DAB1: variants seen among roughly 807,000 people sequenced by gnomAD.
DAB1 encodes DAB adaptor protein 1.
DAB1 carries 15 observed loss-of-function variants against 64.6 expected under a neutral mutation model. The ratio of observed to expected loss-of-function variants is 0.23; its 90% CI spans 0.16 to 0.36. DAB1 has a LOEUF of 0.36. DAB1 is among the 10% of genes least tolerant of loss of function. The pLI is 1.00. For missense variants in DAB1, 596 were observed against 706.7 expected (o/e 0.84, Z 1.78); for synonymous variants, 235 against 251.9 (o/e 0.93, Z 0.64).
chr1:57,300,772 C>T (rs1673579995), intron 1 of DAB1, among the ~76,000 whole-genome samples: 1 of 152,078 alleles, frequency 6.6e-6, no homozygotes, highest in South Asian at 2.1e-4. Flanking sequence ...TTATTTTTAG[C>T]TACAAAAATA....
intron 1 of DAB1, among the ~76,000 whole-genome samples, chr1:57,420,135 G>A (rs1282926435): frequency 6.6e-6 from 1 of 152,164 alleles, no homozygotes; most frequent in African/African-American, 2.4e-5. Context: ...TTGATGATAA[G>A]GTAACACCCA....
intron 1 of DAB1, among the ~76,000 whole-genome samples, chr1:57,851,870 C>T (rs1423701068): frequency 6.6e-6 from 1 of 152,104 alleles, no homozygotes; most frequent in Non-Finnish European, 1.5e-5. Flanking sequence ...TGCATTTTGC[C>T]CTGTCATTCA....
intron 2 of DAB1, among the ~76,000 whole-genome samples, chr1:57,256,348 G>T (rs1374252374): frequency 6.6e-6 from 1 of 152,160 alleles, no homozygotes; most frequent in Non-Finnish European, 1.5e-5. Context: ...AGAGTAAGGG[G>T]TCTCTGAGGT....
intron 2 of DAB1, among the ~76,000 whole-genome samples, chr1:57,174,288 A>G (rs1385113086): frequency 6.6e-6 from 1 of 152,186 alleles, no homozygotes; most frequent in African/African-American, 2.4e-5. Context: ...TACCAGATAC[A>G]GACCTGGCCC....
intron 5 of DAB1, among the ~76,000 whole-genome samples, chr1:58,116,536 A>C (rs151314062): frequency 6.6e-6 from 1 of 152,132 alleles, no homozygotes; most frequent in Admixed American, 6.6e-5. Flanking sequence ...GATCTTCTTC[A>C]ATGTTTGCCA....
intron 5 of DAB1, among the ~76,000 whole-genome samples, chr1:58,138,157 C>A (rs369486717): frequency 6.6e-6 from 1 of 152,120 alleles, no homozygotes; most frequent in African/African-American, 2.4e-5. Flanking sequence ...TCATTTAATG[C>A]TCACAGTAAG....
intron 5 of DAB1, among the ~76,000 whole-genome samples, chr1:58,068,850 A>G (rs1649041713): frequency 6.6e-6 from 1 of 151,944 alleles, no homozygotes; most frequent in African/African-American, 2.4e-5. Context: ...TTAGTATGAG[A>G]ATGAGTGGGA....
At chr1:57,060,739 A>G (rs1650304089) in intron 9 of DAB1, among the ~76,000 whole-genome samples, 1 of 152,056 alleles carries the variant, frequency 6.6e-6, no homozygotes, top group Non-Finnish European at 1.5e-5. Flanking sequence ...ACAAACACAA[A>G]AAGATTTCAG....
chr1:58,528,111 C>G (rs2100467359), intron 1 of DAB1, among the ~76,000 whole-genome samples: 1 of 152,326 alleles, frequency 6.6e-6, no homozygotes, highest in East Asian at 1.9e-4. Context: ...CAGTATGTGA[C>G]CATTACAAAT....
chr1:57,719,349 C>G (rs192325648), intron 6 of DAB1, among the ~76,000 whole-genome samples: 2 of 152,178 alleles, frequency 1.3e-5, no homozygotes, highest in East Asian at 3.9e-4. Context: ...AGGGTTTGTA[C>G]GTTTAAAAGA....
chr1:58,249,098 C>T (rs946951949), intron 4 of DAB1, among the ~76,000 whole-genome samples: 3 of 152,124 alleles, frequency 2.0e-5, no homozygotes, highest in Middle Eastern at 3.2e-3. Flanking sequence ...CACACCTTTT[C>T]TGAGCTGTTC....
chr1:58,353,945 G>A (rs1644082915), intron 3 of DAB1, among the ~76,000 whole-genome samples: 1 of 152,140 alleles, frequency 6.6e-6, no homozygotes, highest in Non-Finnish European at 1.5e-5. Flanking sequence ...GGTGCATTAT[G>A]CCATTCTACC....
In DAB1 at chr1:57,852,033, G is replaced by A. The variant is rs113825797; in HGVS notation, n.88-25578C>T. Among the ~76,000 whole-genome samples the A allele has an allele frequency of 2.8e-3, 430 of 152,310 alleles. 2 individuals carry two copies. The highest frequency in any genetic ancestry group is 9.4e-3 in the African/African-American group (392 of 41,564). ...CTTCAAACTGAAGGAGACTGAGGGGGTCTCAGGCACAAGGTCCTTCTGACC... is the reference window on the plus strand; with the variant it reads ...CTTCAAACTGAAGGAGACTGAGGGGATCTCAGGCACAAGGTCCTTCTGACC... On this transcript the variant is annotated intron_variant and non_coding_transcript_variant, in intron 1 of 1. Coordinates refer to the DAB1 transcript ENST00000477280.
chr1:58,220,728 C>T (rs571795587), intron 4 of DAB1, among the ~76,000 whole-genome samples: 1 of 152,142 alleles, frequency 6.6e-6, no homozygotes, highest in South Asian at 2.1e-4. Flanking sequence ...GATAATGTTA[C>T]CCTTATTATA....
At chr1:57,223,504 G>A (rs1170441608) in intron 2 of DAB1, among the ~76,000 whole-genome samples, 2 of 152,110 alleles carry the variant, frequency 1.3e-5, no homozygotes, top group Admixed American at 6.5e-5. Flanking sequence ...GACTGCAGCC[G>A]TGTCTCTGGT....
chr1:57,916,212 G>T (rs968762000), intron 5 of DAB1, among the ~76,000 whole-genome samples: 5 of 152,148 alleles, frequency 3.3e-5, no homozygotes, highest in African/African-American at 9.7e-5. Flanking sequence ...CTCAGAGCAG[G>T]CGATTCGACA....
At chr1:57,076,297 C>G (rs1651986387) in intron 4 of DAB1, among the ~76,000 whole-genome samples, 1 of 152,144 alleles carries the variant, frequency 6.6e-6, no homozygotes, top group Non-Finnish European at 1.5e-5. Flanking sequence ...ATGCTGGTTG[C>G]CCTCTTCCAC....
intron 5 of DAB1, among the ~76,000 whole-genome samples, chr1:58,097,753 C>A (rs1651074303): frequency 6.6e-6 from 1 of 152,178 alleles, no homozygotes; most frequent in Non-Finnish European, 1.5e-5. Flanking sequence ...AGTGTCTGCA[C>A]CTCCACTCTC....
At chr1:57,581,692 A>T (rs1645314117) in intron 7 of DAB1, among the ~76,000 whole-genome samples, 1 of 147,892 alleles carries the variant, frequency 6.8e-6, no homozygotes, top group African/African-American at 2.5e-5. Flanking sequence ...ATTATATAAC[A>T]TATACTATAT....
Sources: gnomAD v4.1 joint callset for allele counts (sites outside exome capture counted in the v4.1 genomes callset) on GRCh38, gnomAD v4.1.1 for gene constraint, MANE v1.5 for transcripts, NCBI Gene and HGNC (gene_info 2026-07-23, HGNC 2026-07-21) for gene names.